Variants in MTX2 observed in about 807,000 individuals in gnomAD.
MTX2 encodes the protein metaxin-2.
MTX2 carries 35 observed loss-of-function variants against 42.3 expected under a neutral mutation model. That is an observed-to-expected ratio of 0.83 (90% CI 0.63 to 1.10). MTX2 has a LOEUF of 1.10. Among genes scored for constraint, MTX2 ranks in the 50% least tolerant of loss-of-function variants. MTX2 has a pLI of 0.00. For missense variants in MTX2, 307 were observed against 304.1 expected (o/e 1.01, Z -0.07); for synonymous variants, 119 against 100.9 (o/e 1.18, Z -1.08).
At chr2:176,317,820 A>G (rs1684482970) in intron 3 of MTX2, among the ~76,000 whole-genome samples, 1 of 152,138 alleles carries the variant, frequency 6.6e-6, no homozygotes, top group Non-Finnish European at 1.5e-5. Context: ...GTTTCTCCAA[A>G]GAATAAACCT....
chr2:176,287,882 AT>A (rs1217650523), intron 1 of MTX2, among the ~76,000 whole-genome samples: 2 of 146,066 alleles, frequency 1.4e-5, no homozygotes, highest in African/African-American at 5.0e-5. Context: ...CCACTGTGCT[AT>A]GCAATACTGA....
chr2:176,323,752 C>A (rs551170088), intron 4 of MTX2, among the ~76,000 whole-genome samples: 3 of 151,690 alleles, frequency 2.0e-5, no homozygotes, highest in Admixed American at 1.3e-4. Flanking sequence ...TCTCAGATTT[C>A]CCTAGTCTTA....
intron 3 of MTX2, among the ~76,000 whole-genome samples, chr2:176,301,982 TGTGA>T (rs950460791): frequency 1.3e-5 from 2 of 152,178 alleles, no homozygotes; most frequent in Non-Finnish European, 2.9e-5. Context: ...GTACATATTT[TGTGA>T]GTGTCTTTAT....
chr2:176,296,475 TGTA>T (rs1458064668), intron 1 of MTX2, among the ~76,000 whole-genome samples: 1 of 152,180 alleles, frequency 6.6e-6, no homozygotes, highest in Non-Finnish European at 1.5e-5. Flanking sequence ...TACAATTTTT[TGTA>T]GTGAATTAAA....
intron 1 of MTX2, among the ~76,000 whole-genome samples, chr2:176,285,783 C>T (rs114736534): frequency 0.021 from 3,223 of 152,194 alleles, 159 homozygotes; most frequent in Admixed American, 0.12. Context: ...GTCCATTCAC[C>T]AGTTAATGAA....
At chr2:176,336,126 C>T (rs2105451125) in intron 9 of MTX2, among the ~76,000 whole-genome samples, 1 of 152,202 alleles carries the variant, frequency 6.6e-6, no homozygotes, top group East Asian at 1.9e-4. Context: ...CATATTTTCT[C>T]AAAAACTTTA....
At chr2:176,327,687 A>G (rs1684742423) in intron 5 of MTX2, among the ~76,000 whole-genome samples, 1 of 150,518 alleles carries the variant, frequency 6.6e-6, no homozygotes, top group Non-Finnish European at 1.5e-5. Flanking sequence ...TTTATAGAGT[A>G]CTAAGATAAA....
rs777380587 is a variant in MTX2, at chr2:176,329,252, C to T, written c.418-49C>T. On this transcript the variant is annotated intron_variant, in intron 7 of 9. Coordinates refer to ENST00000249442, the MANE Select transcript of MTX2 (RefSeq NM_006554.5). ...TTAGAATTCTATTTGTAAAAACGGG[C>T]ATTGTTTTTAGGAAGGATCACCTTT... The T allele has an allele frequency of 3.3e-6, 5 of 1,527,558 alleles. No individual in the cohort carries two copies. In the Admixed American group the frequency reaches 1.0e-4, roughly 31 times the overall value. 94.6% of individuals were successfully genotyped at this position (1,527,558 alleles called of 1,614,324 possible).
intron 3 of MTX2, among the ~76,000 whole-genome samples, chr2:176,310,652 T>C (rs1299294736): frequency 6.6e-6 from 1 of 152,208 alleles, no homozygotes; most frequent in Admixed American, 6.5e-5. Context: ...TAATTTGATC[T>C]TCGATCACTG....
chr2:176,289,435 T>C (rs1693278538), intron 1 of MTX2, among the ~76,000 whole-genome samples: 2 of 152,060 alleles, frequency 1.3e-5, no homozygotes, highest in African/African-American at 4.8e-5. Flanking sequence ...AGACACTAAA[T>C]ATAGAATAAT....
At chr2:176,313,136 ATTT>A (rs1238478206) in intron 3 of MTX2, among the ~76,000 whole-genome samples, 2 of 151,890 alleles carry the variant, frequency 1.3e-5, no homozygotes, top group Admixed American at 6.6e-5. Flanking sequence ...ACAAATGAGT[ATTT>A]ATTATTATGA....
At chr2:176,335,005 T>G (rs1217128657) in intron 9 of MTX2, among the ~76,000 whole-genome samples, 1 of 151,750 alleles carries the variant, frequency 6.6e-6, no homozygotes, top group East Asian at 1.9e-4. Flanking sequence ...GTGAGGTCCT[T>G]TCTCTACAGG....
At chr2:176,309,994 T>C (rs752218512) in intron 3 of MTX2, among the ~76,000 whole-genome samples, 9 of 152,196 alleles carry the variant, frequency 5.9e-5, no homozygotes, top group Non-Finnish European at 1.0e-4. Flanking sequence ...AGTTTCTTCG[T>C]AACATCGATG....
intron 1 of MTX2, among the ~76,000 whole-genome samples, chr2:176,282,839 G>A (rs187923775): frequency 2.3e-4 from 35 of 152,028 alleles, no homozygotes; most frequent in Admixed American, 5.2e-4. Context: ...GAGTAGCTGG[G>A]ATTACAGGCA....
chr2:176,290,602 G>A (rs1287990484), intron 1 of MTX2, among the ~76,000 whole-genome samples: 1 of 152,098 alleles, frequency 6.6e-6, no homozygotes, highest in African/African-American at 2.4e-5. Flanking sequence ...TTTTTATAAG[G>A]TGTGGATAAT....
chr2:176,325,593 C>G, intron 4 of MTX2, among the ~76,000 whole-genome samples: 1 of 151,672 alleles, frequency 6.6e-6, no homozygotes, highest in East Asian at 1.9e-4. Context: ...AAGGAATATG[C>G]TTTGCTCTAA....
chr2:176,312,796 G>C (rs1465432435), intron 3 of MTX2, among the ~76,000 whole-genome samples: 1 of 147,426 alleles, frequency 6.8e-6, no homozygotes, highest in Non-Finnish European at 1.5e-5. Context: ...CTGGGAGGCG[G>C]AGGTTGCAGT....
At chr2:176,280,284 T>C (rs995871582) in intron 1 of MTX2, among the ~76,000 whole-genome samples, 1 of 152,136 alleles carries the variant, frequency 6.6e-6, no homozygotes, top group Admixed American at 6.6e-5. Flanking sequence ...AAAATCTATG[T>C]CTGAAGCAGT....
chr2:176,330,138 C>A (rs1171618447), intron 8 of MTX2, among the ~76,000 whole-genome samples: 1 of 150,808 alleles, frequency 6.6e-6, no homozygotes, highest in Non-Finnish European at 1.5e-5. Flanking sequence ...GAAAATAACT[C>A]AAATGCTTTT....
Sources: allele counts gnomAD v4.1 joint callset (sites outside exome capture counted in the v4.1 genomes callset), GRCh38; gene constraint gnomAD v4.1.1; transcripts MANE v1.5; gene names NCBI Gene and HGNC (gene_info 2026-07-23, HGNC 2026-07-21).